ZFPM2: variants seen among roughly 807,000 people sequenced by gnomAD.
ZFPM2 encodes zinc finger protein ZFPM2.
A neutral mutation model predicts 98.6 loss-of-function variants in ZFPM2; 20 were observed. The observed-to-expected ratio is 0.20, with a 90% CI of 0.14 to 0.29. The LOEUF is 0.29. Ranked by LOEUF, ZFPM2 falls within the 10% of genes least tolerant of loss-of-function variation. ZFPM2 has a pLI of 1.00. For missense variants in ZFPM2, 1,310 were observed against 1,388.6 expected (o/e 0.94, Z 0.90); for synonymous variants, 518 against 502.7 (o/e 1.03, Z -0.41).
intron 4 of ZFPM2, among the ~76,000 whole-genome samples, chr8:105,610,586 A>G (rs987503273): frequency 1.3e-5 from 2 of 151,904 alleles, no homozygotes; most frequent in African/African-American, 4.8e-5. Context: ...ATTGCATTAA[A>G]CTCTCAAAGA....
chr8:105,772,484 G>A (rs138646649), intron 5 of ZFPM2, among the ~76,000 whole-genome samples: 22 of 152,206 alleles, frequency 1.4e-4, no homozygotes, highest in African/African-American at 5.3e-4. Context: ...GGAGGAGAAA[G>A]CAGGCAGGGG....
At chr8:105,334,773 A>G (rs960242945) in intron 1 of ZFPM2, among the ~76,000 whole-genome samples, 11 of 151,688 alleles carry the variant, frequency 7.3e-5, no homozygotes, top group African/African-American at 2.7e-4. Flanking sequence ...ATTTTTATAC[A>G]TATTATTATA....
intron 5 of ZFPM2, among the ~76,000 whole-genome samples, chr8:105,765,285 G>A (rs528255802): frequency 1.8e-4 from 28 of 151,698 alleles, no homozygotes; most frequent in South Asian, 4.2e-4. Flanking sequence ...AATCTAGTAC[G>A]TAAAATGGGT....
chr8:105,577,185 G>C (rs1265718691), intron 4 of ZFPM2, among the ~76,000 whole-genome samples: 2 of 151,924 alleles, frequency 1.3e-5, no homozygotes, highest in Non-Finnish European at 2.9e-5. Flanking sequence ...CTAAAATGTG[G>C]GATACAAAAA....
chr8:105,784,369 C>T (rs1267454601), intron 5 of ZFPM2, among the ~76,000 whole-genome samples: 1 of 128,418 alleles, frequency 7.8e-6, no homozygotes, highest in Non-Finnish European at 1.5e-5. Context: ...CAACCTTATT[C>T]TTCTTTTCTA....
chr8:105,433,371 A>C (rs1157492356), intron 2 of ZFPM2, among the ~76,000 whole-genome samples: 1 of 152,214 alleles, frequency 6.6e-6, no homozygotes, highest in Non-Finnish European at 1.5e-5. Context: ...TTTCTTCCTC[A>C]GTTATCAATA....
At position 105,498,853 on chromosome 8, in the gene ZFPM2, C is replaced by T. The variant is rs145567331; in HGVS notation, c.301+54472C>T. The stretch of plus-strand genomic sequence containing the variant: ...CAAATGCATTTAGACTTGATCTGCA[C>T]GTGATAAGAAGCCATTATGGCCAGC... On this transcript the variant is annotated intron_variant, in intron 3 of 7. Coordinates refer to ENST00000407775, the MANE Select transcript of ZFPM2 (RefSeq NM_012082.4). Among the ~76,000 whole-genome samples, 289 of 152,182 alleles carry T rather than the reference C, an allele frequency of 1.9e-3. 2 individuals are homozygous for T. Among genetic ancestry groups the T allele is most frequent in the African/African-American group, 6.4e-3 (264 of 41,524 alleles).
At chr8:105,789,155 T>G in intron 6 of ZFPM2, 1 of 360,150 alleles carries the variant, frequency 2.8e-6, no homozygotes, top group Non-Finnish European at 5.0e-6. Context: ...TACATATGTA[T>G]ACATGTGACA....
At chr8:105,740,188 C>CT (rs1287202253) in intron 5 of ZFPM2, among the ~76,000 whole-genome samples, 1 of 152,010 alleles carries the variant, frequency 6.6e-6, no homozygotes, top group Non-Finnish European at 1.5e-5. Flanking sequence ...TCCTACAGGT[C>CT]TGTTCTATCA....
intron 4 of ZFPM2, among the ~76,000 whole-genome samples, chr8:105,592,898 C>T (rs1205475630): frequency 1.3e-5 from 2 of 152,180 alleles, no homozygotes; most frequent in East Asian, 3.9e-4. Flanking sequence ...AGCTGCTTGC[C>T]TCATTTCATA....
chr8:105,583,224 A>T (rs1436939469), intron 4 of ZFPM2, among the ~76,000 whole-genome samples: 1 of 151,462 alleles, frequency 6.6e-6, no homozygotes, highest in Non-Finnish European at 1.5e-5. Context: ...CACTTCTCAA[A>T]CCTTCTCCAA....
chr8:105,500,054 A>G (rs1213243403), intron 3 of ZFPM2, among the ~76,000 whole-genome samples: 1 of 152,200 alleles, frequency 6.6e-6, no homozygotes, highest in Non-Finnish European at 1.5e-5. Flanking sequence ...AGAAGAATCA[A>G]TTGGATTTGT....
At chr8:105,489,662 C>G (rs1813319094) in intron 3 of ZFPM2, among the ~76,000 whole-genome samples, 1 of 151,114 alleles carries the variant, frequency 6.6e-6, no homozygotes, top group South Asian at 2.1e-4. Flanking sequence ...TGGAGTTTCA[C>G]CATGTTGGCC....
chr8:105,581,567 A>G (rs1815600152), intron 4 of ZFPM2, among the ~76,000 whole-genome samples: 1 of 152,180 alleles, frequency 6.6e-6, no homozygotes, highest in South Asian at 2.1e-4. Flanking sequence ...TAAATACTGT[A>G]ATTGGATCAG....
At position 105,802,816 on chromosome 8, in the gene ZFPM2, A is replaced by G; in HGVS notation, c.2734A>G (p.Ser912Gly). 1 of 1,613,690 alleles carries G rather than the reference A, an allele frequency of 6.2e-7. No homozygotes were observed. The highest frequency in any genetic ancestry group is 8.5e-7 in the Non-Finnish European group (1 of 1,179,816). The change falls in exon 8 of 8, where the codon AGC (serine) becomes GGC (glycine). Residue 912 changes from serine (S) to glycine (G), a missense_variant. Ser to Gly is a moderately conservative substitution (Grantham distance 56). Coordinates refer to ENST00000407775, the MANE Select transcript of ZFPM2 (RefSeq NM_012082.4). ...RNSPDVSYER[S>G]IIKCEKNGNL... ...CAGCCCTGATGTCAGCTACGAAAGAAGCATAATAAAATGTGAGAAAAATGG... is the reference window on the plus strand; with the variant it reads ...CAGCCCTGATGTCAGCTACGAAAGAGGCATAATAAAATGTGAGAAAAATGG...
At chr8:105,558,220 C>A (rs1815043810) in intron 3 of ZFPM2, among the ~76,000 whole-genome samples, 1 of 152,144 alleles carries the variant, frequency 6.6e-6, no homozygotes, top group African/African-American at 2.4e-5. Flanking sequence ...TATCCTTAAC[C>A]TATGTAACCT....
chr8:105,746,965 T>A (rs547636414), intron 5 of ZFPM2, among the ~76,000 whole-genome samples: 40 of 152,150 alleles, frequency 2.6e-4, no homozygotes, highest in African/African-American at 8.9e-4. Flanking sequence ...TCCTCTGAAA[T>A]ATATGGGTGC....
chr8:105,801,928 C>G lies in ZFPM2; in HGVS notation c.1846C>G (p.Pro616Ala). 6.2e-7 allele frequency: 1 copy of G among 1,613,954 alleles called. No homozygotes were observed. The highest frequency in any genetic ancestry group is 8.5e-7 in the Non-Finnish European group (1 of 1,179,884). The change falls in exon 8 of 8, where the codon CCT becomes GCT. Residue 616 changes from proline (P) to alanine (A), a missense_variant. Transcript: ENST00000407775. The part of the protein sequence containing the change: ...LLNPAAHSAD[P>A]ENPLLQTSCI... Reference sequence around the variant, plus strand: ...CAACCCAGCTGCTCATTCTGCTGATCCTGAGAATCCACTTCTTCAAACATC... The same window carrying G: ...CAACCCAGCTGCTCATTCTGCTGATGCTGAGAATCCACTTCTTCAAACATC...
intron 3 of ZFPM2, among the ~76,000 whole-genome samples, chr8:105,507,057 G>A (rs1813717303): frequency 6.6e-6 from 1 of 151,850 alleles, no homozygotes; most frequent in African/African-American, 2.4e-5. Context: ...TTTTGGAAAT[G>A]TAGAGAGAAC....
Sources: gnomAD v4.1 joint callset for allele counts (sites outside exome capture counted in the v4.1 genomes callset) on GRCh38, gnomAD v4.1.1 for gene constraint, MANE v1.5 for transcripts, NCBI Gene and HGNC (gene_info 2026-07-23, HGNC 2026-07-21) for gene names.